The following MFHAS1 variants were observed in gnomAD, a reference collection of about 807,000 sequenced individuals.
MFHAS1 encodes the protein multifunctional ROCO family signaling regulator 1.
A neutral mutation model predicts 70.4 loss-of-function variants in MFHAS1; 50 were observed. The ratio of observed to expected loss-of-function variants is 0.71; its 90% CI spans 0.57 to 0.90. The LOEUF (loss-of-function observed/expected upper bound fraction) is 0.90, where lower values mean the gene tolerates loss of function less well. MFHAS1 is among the 40% of genes least tolerant of loss of function. The pLI is 0.00. For missense variants in MFHAS1, 1,795 were observed against 1,347.6 expected, an observed-to-expected ratio of 1.33 and a Z score of -5.20; for synonymous variants, 952 against 620.0, an observed-to-expected ratio of 1.54 and a Z score of -7.96.
At chr8:8,877,417 T>C (rs918328984) in intron 1 of MFHAS1, among the ~76,000 whole-genome samples, 1 of 152,016 alleles carries the variant, frequency 6.6e-6, no homozygotes, top group East Asian at 1.9e-4. Flanking sequence ...ATAGTGAAAC[T>C]TAAACAGCCC....
chr8:8,817,039 G>A (rs780467670), intron 1 of MFHAS1, among the ~76,000 whole-genome samples: 6 of 152,090 alleles, frequency 3.9e-5, no homozygotes, highest in Non-Finnish European at 5.9e-5. Context: ...TATCCCCCTC[G>A]AAATGTCAAA....
intron 1 of MFHAS1, among the ~76,000 whole-genome samples, chr8:8,815,117 T>C (rs1247734723): frequency 1.3e-5 from 2 of 152,100 alleles, no homozygotes; most frequent in Non-Finnish European, 2.9e-5. Context: ...ACATGCGGTG[T>C]TTGGTTTTCT....
At chr8:8,883,691 G>C (rs188992671) in intron 1 of MFHAS1, among the ~76,000 whole-genome samples, 4 of 115,056 alleles carry the variant, frequency 3.5e-5, no homozygotes, top group Admixed American at 3.3e-4. Flanking sequence ...CTGGGCAACA[G>C]AGCGAGACTC....
chr8:8,847,990 C>A (rs76236018), intron 1 of MFHAS1, among the ~76,000 whole-genome samples: 1 of 152,174 alleles, frequency 6.6e-6, no homozygotes, highest in African/African-American at 2.4e-5. Flanking sequence ...TCCAAACATC[C>A]TTCCCTGTTA....
In MFHAS1 at chr8:8,892,717, G is replaced by A. The variant is rs1418616763; in HGVS notation, c.342C>T (p.Thr114=). 12 of 1,578,492 alleles carry A rather than the reference G, an allele frequency of 7.6e-6. No individual in the cohort carries two copies. The highest frequency in any genetic ancestry group is 4.6e-5 in the South Asian group (4 of 86,578). Reference sequence around the variant, plus strand: ...GCCGGTTGTGGCTCACGTCCAGCTCGGTGAGGTGGTGGCCGAGCTCGGCCA... The same window carrying A: ...GCCGGTTGTGGCTCACGTCCAGCTCAGTGAGGTGGTGGCCGAGCTCGGCCA... ...PAVAELGHHL[T]ELDVSHNRLT... is the part of the protein sequence containing the mutation. The change falls in exon 1 of 3, where the codon ACC becomes ACT. Residue 114 remains threonine, a synonymous_variant. Transcript: ENST00000276282. The surrounding 1 kb of genome is among the most constrained non-coding windows in gnomAD (Gnocchi z 4.7).
chr8:8,861,782 G>A (rs939211496), intron 1 of MFHAS1, among the ~76,000 whole-genome samples: 2 of 152,164 alleles, frequency 1.3e-5, no homozygotes, highest in Admixed American at 6.5e-5. Flanking sequence ...CAGTGTATCA[G>A]TTTTGCCTTT....
intron 1 of MFHAS1, among the ~76,000 whole-genome samples, chr8:8,841,122 G>A (rs532350701): frequency 6.4e-4 from 97 of 152,252 alleles, no homozygotes; most frequent in African/African-American, 1.4e-3. Context: ...CATCTCCTTC[G>A]CATATTCCTT....
intron 1 of MFHAS1, among the ~76,000 whole-genome samples, chr8:8,825,462 C>A: frequency 6.6e-6 from 1 of 152,302 alleles, no homozygotes; most frequent in East Asian, 1.9e-4. Flanking sequence ...TGTGAGCCAC[C>A]ATGCCCAGCC....
At chr8:8,834,158 C>G (rs902670706) in intron 1 of MFHAS1, among the ~76,000 whole-genome samples, 2 of 151,750 alleles carry the variant, frequency 1.3e-5, no homozygotes, top group African/African-American at 2.4e-5. Context: ...AACAAACAAA[C>G]AAACAAAAAA....
chr8:8,835,299 A>G (rs1807557884), intron 1 of MFHAS1, among the ~76,000 whole-genome samples: 1 of 152,200 alleles, frequency 6.6e-6, no homozygotes, highest in Non-Finnish European at 1.5e-5. Flanking sequence ...TACCTTAATA[A>G]AGTTTATTTA....
In MFHAS1 at chr8:8,893,108, A is replaced by T; in HGVS notation, c.-50T>A. On this transcript the variant is annotated 5_prime_UTR_variant, in exon 1 of 3. An upstream open reading frame in the 5' UTR gains an earlier in-frame stop. Transcript: ENST00000276282. ...CACGCGGACGCGGGAGCCCGCAGCT[A>T]CATGCCGCGCCGCGCCCCGGGCCCT... 7.6e-7 allele frequency: 1 copy of T among 1,323,114 alleles called. No individual in the cohort carries two copies. 82.0% of individuals were successfully genotyped at this position (1,323,114 alleles called of 1,614,324 possible).
At chr8:8,796,694 A>AAAC (rs1805911028) in intron 2 of MFHAS1, among the ~76,000 whole-genome samples, 1 of 106,686 alleles carries the variant, frequency 9.4e-6, no homozygotes, top group African/African-American at 3.0e-5. Context: ...AAAACAAAAA[A>AAAC]AAAAAAAAAG....
intron 1 of MFHAS1, among the ~76,000 whole-genome samples, chr8:8,843,542 C>G (rs1164753493): frequency 6.6e-6 from 1 of 152,190 alleles, no homozygotes; most frequent in African/African-American, 2.4e-5. Flanking sequence ...GATCATGCCA[C>G]TGCATGCCAG....
rs932469933 is a variant in MFHAS1, at chr8:8,783,914, C to T, written c.*2108G>A. 6.6e-6 allele frequency: 1 copy of T among 152,146 alleles called. No individual in the cohort carries two copies. The highest frequency in any genetic ancestry group is 1.5e-5 in the Non-Finnish European group (1 of 68,030). 9.4% of individuals were successfully genotyped at this position (152,146 alleles called of 1,614,324 possible). A position where few individuals can be genotyped will look rare whatever the true frequency, so the allele number is the denominator to read the frequency against. ...GAGCATCTTTTGGTCACATGACCCT[C>T]GATCATGGTAACCCTTTTGCTAAGA... On this transcript the variant is annotated 3_prime_UTR_variant, in exon 3 of 3. Coordinates refer to ENST00000276282, the MANE Select transcript of MFHAS1 (RefSeq NM_004225.3).
At chr8:8,843,019 A>C (rs1807892693) in intron 1 of MFHAS1, among the ~76,000 whole-genome samples, 2 of 151,322 alleles carry the variant, frequency 1.3e-5, no homozygotes, top group Admixed American at 1.3e-4. Flanking sequence ...TAATCCCAGC[A>C]CTTTGGGAGG....
intron 1 of MFHAS1, among the ~76,000 whole-genome samples, chr8:8,867,466 C>G (rs921739152): frequency 4.0e-5 from 6 of 151,832 alleles, no homozygotes; most frequent in African/African-American, 1.5e-4. Flanking sequence ...TGTTTCTACT[C>G]TTTTATTATT....
intron 1 of MFHAS1, among the ~76,000 whole-genome samples, chr8:8,867,580 G>C (rs1183778207): frequency 6.8e-6 from 1 of 147,954 alleles, no homozygotes; most frequent in Non-Finnish European, 1.5e-5. Flanking sequence ...TTTTTTTTGA[G>C]GTGGAGTCTC....
At chr8:8,804,739 A>G (rs937665295) in intron 1 of MFHAS1, among the ~76,000 whole-genome samples, 10 of 152,192 alleles carry the variant, frequency 6.6e-5, no homozygotes, top group African/African-American at 2.4e-4. Context: ...GACTCACACA[A>G]TGGTTCTCAG....
intron 1 of MFHAS1, among the ~76,000 whole-genome samples, chr8:8,822,920 C>T (rs1369528569): frequency 1.3e-5 from 2 of 152,128 alleles, no homozygotes; most frequent in African/African-American, 4.8e-5. Context: ...GACTGAAAAC[C>T]AGAAAATCAG....
Sources: allele counts gnomAD v4.1 joint callset (sites outside exome capture counted in the v4.1 genomes callset), GRCh38; gene constraint gnomAD v4.1.1; non-coding constraint Gnocchi (gnomAD v3.1); transcripts MANE v1.5; gene names NCBI Gene and HGNC (gene_info 2026-07-23, HGNC 2026-07-21).